Variants in CTTN observed in about 807,000 individuals in gnomAD.
CTTN encodes the protein cortactin.
In CTTN, 28 loss-of-function variants were observed where a neutral mutation model predicts 84.0. That is an observed-to-expected ratio of 0.33 (90% confidence interval 0.25 to 0.46). The LOEUF (loss-of-function observed/expected upper bound fraction) is 0.46, where lower values mean the gene tolerates loss of function less well. CTTN is among the 20% of genes least tolerant of loss of function. The pLI, the probability that CTTN is intolerant of heterozygous loss-of-function variation, is 1.00. For synonymous variants in CTTN, 301 were observed against 288.8 expected (o/e 1.04, Z -0.43); for missense variants, 641 against 723.8 (o/e 0.89, Z 1.31).
At position 70,421,818 on chromosome 11, in the gene CTTN, G is replaced by T. The variant is rs982652277; in HGVS notation, c.901+238G>T. The T allele has an allele frequency of 1.1e-4, 57 of 503,884 alleles. 1 individual carries two copies. The highest frequency in any genetic ancestry group is 6.5e-4 in the African/African-American group (34 of 52,056). The allele number at this position is 503,884 out of a possible 1,614,324, so 31.2% of individuals were successfully genotyped here. ...TGTATGGCAGGATGCGCCAGTTAGTGTGTGGGTGCCATCTTTCTAACCCGG... is the reference window on the plus strand; with the variant it reads ...TGTATGGCAGGATGCGCCAGTTAGTTTGTGGGTGCCATCTTTCTAACCCGG... On this transcript the variant is annotated intron_variant, in intron 11 of 17. Transcript: ENST00000301843.
chr11:70,414,342 C>T (rs2058132715), intron 5 of CTTN, among the ~76,000 whole-genome samples, 200 bp from the exon 6 acceptor site: 1 of 148,188 alleles, frequency 6.7e-6, no homozygotes, highest in African/African-American at 2.5e-5. Context: ...AAGACTCTGT[C>T]TCAAAAAAAA....
chr11:70,400,977 C>T (rs2057971932), intron 1 of CTTN, among the ~76,000 whole-genome samples: 1 of 152,220 alleles, frequency 6.6e-6, no homozygotes, highest in South Asian at 2.1e-4. Context: ...TCCTCCTGCT[C>T]TGCCATAGAT....
At position 70,417,015 on chromosome 11, in the gene CTTN, T is replaced by G; in HGVS notation, c.460T>G (p.Tyr154Asp). The G allele has an allele frequency of 6.2e-7, 1 of 1,613,794 alleles. No homozygotes were observed. The highest frequency in any genetic ancestry group is 8.5e-7 in the Non-Finnish European group (1 of 1,179,626). The change falls in exon 8 of 18, where the codon TAC becomes GAC. Residue 154 changes from tyrosine to aspartate, a missense_variant and splice_region_variant. Physicochemically the swap from Tyr to Asp is radical, Grantham distance 160 (BLOSUM62 -3). Coordinates refer to ENST00000301843, the MANE Select transcript of CTTN (RefSeq NM_005231.4). ...KTEKHASQKDYSSGFGGKYGV... is the reference protein window; with the variant it reads ...KTEKHASQKDDSSGFGGKYGV... ...TAATTGCTGCCCTGTCTCTCCAGACTACTCCAGTGGTTTTGGCGGCAAGTA... is the reference window on the plus strand; with the variant it reads ...TAATTGCTGCCCTGTCTCTCCAGACGACTCCAGTGGTTTTGGCGGCAAGTA...
At chr11:70,422,619 G>T in intron 11 of CTTN, 1 of 1,345,778 alleles carries the variant, frequency 7.4e-7, no homozygotes, top group Non-Finnish European at 9.7e-7. Flanking sequence ...TATTGAAGTG[G>T]CGCGTTGCAA....
chr11:70,412,079 C>T (rs982022041), intron 5 of CTTN, among the ~76,000 whole-genome samples: 5 of 152,144 alleles, frequency 3.3e-5, no homozygotes, highest in African/African-American at 9.7e-5. Flanking sequence ...CAGCTGGCAT[C>T]GGGGCCAGGT....
At chr11:70,417,542 C>G (rs974285767) in intron 8 of CTTN, among the ~76,000 whole-genome samples, 1 of 151,492 alleles carries the variant, frequency 6.6e-6, no homozygotes. Flanking sequence ...GTTGCCCAGG[C>G]TGGAGTGTAG....
At position 70,420,336 on chromosome 11, in the gene CTTN, A is replaced by G. The variant is rs73518273; in HGVS notation, c.680-64A>G. 0.019 allele frequency: 19,833 copies of G among 1,053,058 alleles called. 2,462 individuals carry two copies. In the African/African-American group the frequency reaches 0.27, roughly 14 times the overall value. The allele number at this position is 1,053,058 out of a possible 1,614,324, so 65.2% of individuals were successfully genotyped here. On this transcript the variant is annotated intron_variant, in intron 9 of 17. Coordinates refer to ENST00000301843, the MANE Select transcript of CTTN (RefSeq NM_005231.4). ...ATGCGTTTAACTGTATTGAAAACAT[A>G]CTTTCCACCTGTGACCTGCACTACC... is the stretch of plus-strand genomic sequence containing the variant.
At position 70,431,983 on chromosome 11, in the gene CTTN, T is replaced by C. The variant is rs142782520; in HGVS notation, c.1266+703T>C. ...ATCCCATGGCCATCATCCTGGTCTA[T>C]GCATTCATCTCTGCTCGCCCAGGAG... is the stretch of plus-strand genomic sequence containing the variant. On this transcript the variant is annotated intron_variant, in intron 15 of 17. Coordinates refer to ENST00000301843, the MANE Select transcript of CTTN (RefSeq NM_005231.4). Among the ~76,000 whole-genome samples, 58 of 152,270 alleles carry C rather than the reference T, an allele frequency of 3.8e-4. 1 individual carries two copies. In the East Asian group the frequency reaches 9.7e-3, roughly 25 times the overall value.
At chr11:70,426,233 C>G (rs1458136328) in intron 13 of CTTN, among the ~76,000 whole-genome samples, 2 of 152,128 alleles carry the variant, frequency 1.3e-5, no homozygotes, top group African/African-American at 4.8e-5. Context: ...CGATGAAACC[C>G]CGTCTCTACT....
At chr11:70,406,331 G>T (rs1366965521) in intron 2 of CTTN, among the ~76,000 whole-genome samples, 1 of 152,174 alleles carries the variant, frequency 6.6e-6, no homozygotes, top group Non-Finnish European at 1.5e-5. Flanking sequence ...GTTTTGTCCA[G>T]TCCTGATTCA....
intron 8 of CTTN, among the ~76,000 whole-genome samples, chr11:70,418,880 A>C (rs1178628269): frequency 6.7e-6 from 1 of 150,296 alleles, no homozygotes; most frequent in East Asian, 2.0e-4. Context: ...GGGTTCAAAC[A>C]ATTCTCCTGC....
rs767543429 is a variant in CTTN at position 70,423,041 on chromosome 11, C to T, written c.957+46C>T. ...GCTTAGTGTCTTCTGCCTGCAGGGG[C>T]TCTTGGTGGGCGTGGCTCACCGTGC... On this transcript the variant is annotated intron_variant, in intron 12 of 17. Coordinates refer to ENST00000301843, the MANE Select transcript of CTTN (RefSeq NM_005231.4). 5 of 1,610,928 alleles carry T rather than the reference C, an allele frequency of 3.1e-6. No homozygotes were observed. The Admixed American group carries it at 6.7e-5, about 22-fold the overall frequency.
chr11:70,426,502 C>T (rs1206202677), intron 13 of CTTN, among the ~76,000 whole-genome samples: 1 of 152,070 alleles, frequency 6.6e-6, no homozygotes, highest in East Asian at 1.9e-4. Context: ...GGACTGCTGC[C>T]TCAGTCTCCT....
chr11:70,427,734 G>A (rs2058315296), intron 13 of CTTN, among the ~76,000 whole-genome samples: 3 of 152,226 alleles, frequency 2.0e-5, no homozygotes, highest in Admixed American at 2.0e-4. Flanking sequence ...TCTGAGTTGT[G>A]CTCGTCTTCC....
chr11:70,398,997 G>C (rs1238508400), intron 1 of CTTN, among the ~76,000 whole-genome samples: 1 of 148,244 alleles, frequency 6.7e-6, no homozygotes, highest in African/African-American at 2.5e-5. Flanking sequence ...GCTGGGAGGG[G>C]TCTTGGGTCC....
chr11:70,419,939 C>T (rs767913420), intron 9 of CTTN, 83 bp downstream of exon 9: 13 of 1,031,456 alleles, frequency 1.3e-5, no homozygotes, highest in South Asian at 4.2e-5. Context: ...AAAAACAAAG[C>T]GTTATTGATA....
chr11:70,415,318 TTACTAA>T (rs1442018386), intron 6 of CTTN, among the ~76,000 whole-genome samples: 1 of 152,214 alleles, frequency 6.6e-6, no homozygotes, highest in Non-Finnish European at 1.5e-5. Flanking sequence ...GCTATTCTCA[TTACTAA>T]TACTAATGTT....
At chr11:70,428,416 A>G (rs2058321963) in intron 13 of CTTN, among the ~76,000 whole-genome samples, 1 of 151,862 alleles carries the variant, frequency 6.6e-6, no homozygotes, top group Non-Finnish European at 1.5e-5. Context: ...CGCCCACCTT[A>G]GCCTCCCAAA....
intron 4 of CTTN, among the ~76,000 whole-genome samples, chr11:70,409,431 GA>G (rs1454080661): frequency 6.6e-6 from 1 of 152,202 alleles, no homozygotes; most frequent in Non-Finnish European, 1.5e-5. Flanking sequence ...AGCACCACTG[GA>G]CTTCTGCCAG....
Sources: allele counts gnomAD v4.1 joint callset (sites outside exome capture counted in the v4.1 genomes callset), GRCh38; gene constraint gnomAD v4.1.1; transcripts MANE v1.5; gene names NCBI Gene and HGNC (gene_info 2026-07-23, HGNC 2026-07-21).